Variants in NKAIN2 observed in about 807,000 individuals in gnomAD.
NKAIN2 encodes the protein sodium/potassium transporting ATPase interacting 2, also known as sodium/potassium-transporting ATPase subunit beta-1-interacting protein 2.
In NKAIN2, 14 loss-of-function variants were observed where a neutral mutation model predicts 32.6. That is an observed-to-expected ratio of 0.43 (90% confidence interval 0.28 to 0.67). NKAIN2 has a LOEUF of 0.67. Among genes scored for constraint, NKAIN2 ranks in the 30% least tolerant of loss-of-function variants. The probability of loss-of-function intolerance (pLI) is 0.17; values close to 1 mark genes in which losing one functional copy is unlikely to be tolerated. For synonymous variants in NKAIN2, 80 were observed against 87.2 expected (o/e 0.92, Z 0.46); for missense variants, 198 against 258.3 (o/e 0.77, Z 1.60).
intron 3 of NKAIN2, among the ~76,000 whole-genome samples, chr6:124,586,637 TA>T (rs1334463370): frequency 4.6e-5 from 7 of 151,556 alleles, no homozygotes; most frequent in Admixed American, 2.0e-4. Context: ...GAGAGTTTCT[TA>T]AAAAAAAGTT....
chr6:124,674,607 T>G (rs1171695015), intron 4 of NKAIN2, among the ~76,000 whole-genome samples: 1 of 152,016 alleles, frequency 6.6e-6, no homozygotes, highest in East Asian at 1.9e-4. Flanking sequence ...AGTATTTTAT[T>G]CCTTTAGATG....
chr6:124,337,490 G>A (rs1221605183), intron 2 of NKAIN2, among the ~76,000 whole-genome samples: 1 of 152,132 alleles, frequency 6.6e-6, no homozygotes, highest in Non-Finnish European at 1.5e-5. Flanking sequence ...CTGGGTAAGG[G>A]AGTGAGACCC....
intron 1 of NKAIN2, among the ~76,000 whole-genome samples, chr6:123,998,817 A>C (rs1779755849): frequency 6.7e-6 from 1 of 150,154 alleles, no homozygotes; most frequent in East Asian, 2.0e-4. Context: ...ATACATATAT[A>C]TATATATATA....
intron 1 of NKAIN2, among the ~76,000 whole-genome samples, chr6:123,858,403 A>C (rs1433124220): frequency 6.6e-6 from 1 of 152,208 alleles, no homozygotes; most frequent in African/African-American, 2.4e-5. Context: ...GGCGTGAGTC[A>C]CTGTGCCCAT....
intron 1 of NKAIN2, among the ~76,000 whole-genome samples, chr6:124,010,936 C>G (rs1780294972): frequency 6.6e-6 from 1 of 152,150 alleles, no homozygotes; most frequent in African/African-American, 2.4e-5. Flanking sequence ...TCTCTTTACC[C>G]TTATATCATT....
chr6:124,061,714 A>G (rs1782925152), intron 1 of NKAIN2, among the ~76,000 whole-genome samples: 1 of 151,554 alleles, frequency 6.6e-6, no homozygotes, highest in African/African-American at 2.4e-5. Flanking sequence ...CTGCTTAGCA[A>G]CCTTTGACAA....
At chr6:124,118,076 A>G (rs1785701800) in intron 1 of NKAIN2, among the ~76,000 whole-genome samples, 1 of 151,860 alleles carries the variant, frequency 6.6e-6, no homozygotes, top group Non-Finnish European at 1.5e-5. Flanking sequence ...TCCTTCTTGT[A>G]TTCTGGAGGT....
At chr6:124,354,417 A>G (rs915942744) in intron 2 of NKAIN2, among the ~76,000 whole-genome samples, 3 of 152,190 alleles carry the variant, frequency 2.0e-5, no homozygotes, top group Admixed American at 6.5e-5. Flanking sequence ...ATCTATCATC[A>G]TTATAGAAGG....
intron 6 of NKAIN2, 38 bp downstream of exon 6, chr6:124,818,506 TA>T (rs1562402497): frequency 4.3e-6 from 4 of 937,118 alleles, no homozygotes; most frequent in South Asian, 1.6e-5. Flanking sequence ...TCTGGGGTAC[TA>T]AAGATAATCA....
intron 1 of NKAIN2, among the ~76,000 whole-genome samples, chr6:124,073,628 G>A (rs1392872755): frequency 1.3e-5 from 2 of 152,082 alleles, no homozygotes; most frequent in South Asian, 2.1e-4. Flanking sequence ...TAAAGTTAAA[G>A]TCATTAATAT....
intron 1 of NKAIN2, among the ~76,000 whole-genome samples, chr6:124,107,532 A>G (rs1161814573): frequency 6.6e-6 from 1 of 152,170 alleles, no homozygotes; most frequent in Non-Finnish European, 1.5e-5. Context: ...TTTATGATAT[A>G]TTATGGTTTA....
chr6:124,568,183 G>A (rs1460104737), intron 3 of NKAIN2, among the ~76,000 whole-genome samples: 1 of 152,192 alleles, frequency 6.6e-6, no homozygotes, highest in Non-Finnish European at 1.5e-5. Flanking sequence ...TTTGCCTTTT[G>A]TAGAAAGCAC....
chr6:124,385,102 TATC>T (rs1447021693), intron 3 of NKAIN2, among the ~76,000 whole-genome samples: 1 of 152,134 alleles, frequency 6.6e-6, no homozygotes, highest in Non-Finnish European at 1.5e-5. Flanking sequence ...AGAAAAATAG[TATC>T]ATGGTGCCAA....
At chr6:124,466,010 TA>T (rs1214495244) in intron 3 of NKAIN2, among the ~76,000 whole-genome samples, 2 of 152,124 alleles carry the variant, frequency 1.3e-5, no homozygotes, top group African/African-American at 4.8e-5. Flanking sequence ...CATGTATCAA[TA>T]TTTTTTTAAA....
At chr6:124,173,592 A>G (rs1789006132) in intron 1 of NKAIN2, among the ~76,000 whole-genome samples, 1 of 152,136 alleles carries the variant, frequency 6.6e-6, no homozygotes, top group Non-Finnish European at 1.5e-5. Context: ...GTGGTATTAT[A>G]TCTTGCTAAA....
At chr6:124,510,009 A>G (rs754647486) in intron 3 of NKAIN2, among the ~76,000 whole-genome samples, 14 of 152,318 alleles carry the variant, frequency 9.2e-5, no homozygotes, top group South Asian at 4.1e-4. Context: ...TTCTAAATCT[A>G]TTCAAACCAA....
chr6:124,201,062 A>T lies in NKAIN2; in HGVS notation c.55-81943A>T, dbSNP rs115279460. ...AGACCTAGGAATTTTAAATTAATAC[A>T]TAGACTTATACTTCCATATCTAATG... On this transcript the variant is annotated intron_variant, in intron 1 of 6. Transcript: ENST00000368417. Among the ~76,000 whole-genome samples, 711 of 152,176 alleles carry T rather than the reference A, an allele frequency of 4.7e-3. 6 individuals are homozygous for T. Among genetic ancestry groups the T allele is most frequent in the African/African-American group, 0.016 (680 of 41,532 alleles).
intron 4 of NKAIN2, among the ~76,000 whole-genome samples, chr6:124,751,170 C>G (rs940979838): frequency 5.3e-5 from 8 of 152,106 alleles, no homozygotes; most frequent in African/African-American, 1.7e-4. Context: ...CACCTAATGA[C>G]GTTAGGCTCC....
At position 124,738,373 on chromosome 6, in the gene NKAIN2, A is replaced by G. The variant is rs907496078; in HGVS notation, c.475-52966A>G. On this transcript the variant is annotated intron_variant, in intron 4 of 6. Transcript: ENST00000368417. ...ACTTTTAAAATAATATAATTTGTCT[A>G]TGTCCAAAGAGTGGTTCAATAATGT... Among the ~76,000 whole-genome samples the G allele has an allele frequency of 6.6e-5, 10 of 151,894 alleles. No homozygotes were observed. In the East Asian group the frequency reaches 1.6e-3, roughly 24 times the overall value.
Sources: allele counts gnomAD v4.1 joint callset (sites outside exome capture counted in the v4.1 genomes callset), GRCh38; gene constraint gnomAD v4.1.1; transcripts MANE v1.5; gene names NCBI Gene and HGNC (gene_info 2026-07-23, HGNC 2026-07-21).